CAPN9: variants seen among roughly 807,000 people sequenced by gnomAD.
CAPN9 encodes the protein calpain 9.
Under a neutral mutation model 92.8 loss-of-function variants are expected in CAPN9, and 81 were observed. The ratio of observed to expected loss-of-function variants is 0.87; its 90% CI spans 0.73 to 1.05. CAPN9 has a LOEUF of 1.05. Among genes scored for constraint, CAPN9 ranks in the 50% least tolerant of loss-of-function variants. The probability of loss-of-function intolerance (pLI) is 0.00; values close to 1 mark genes in which losing one functional copy is unlikely to be tolerated. For missense variants in CAPN9, 848 were observed against 866.2 expected, an observed-to-expected ratio of 0.98 and a Z score of 0.26; for synonymous variants, 304 against 328.0, an observed-to-expected ratio of 0.93 and a Z score of 0.79.
intron 2 of CAPN9, among the ~76,000 whole-genome samples, chr1:230,755,874 A>G (rs1445703061): frequency 6.6e-6 from 1 of 151,924 alleles, no homozygotes; most frequent in Admixed American, 6.6e-5. Flanking sequence ...CAGGATTTGA[A>G]CCCAGACACT....
Position 230,747,554 on chromosome 1 carries a change from C to T in CAPN9, c.58C>T (p.Arg20Trp), listed in dbSNP as rs980040631. ...PQAHPVPKDA[R>W]ITHSSGQSFE... ...GGCACACCCGGTTCCCAAGGACGCC[C>T]GGATCACCCACTCCTCAGGCCAGAG... The change falls in exon 1 of 20, where the codon CGG becomes TGG. Residue 20 changes from arginine (R) to tryptophan (W), a missense_variant. By Grantham distance (101) the Arg-to-Trp change is moderately radical. Coordinates refer to ENST00000271971, the MANE Select transcript of CAPN9 (RefSeq NM_006615.3). 2.0e-5 allele frequency: 33 copies of T among 1,614,062 alleles called. No individual in the cohort carries two copies. The East Asian group carries it at 2.2e-4, about 11-fold the overall frequency.
intron 2 of CAPN9, among the ~76,000 whole-genome samples, chr1:230,758,571 A>T (rs1665407724): frequency 6.6e-6 from 1 of 152,088 alleles, no homozygotes; most frequent in South Asian, 2.1e-4. Context: ...AGCTTTCCCG[A>T]TGTTCAGCCC....
chr1:230,749,371 A>G (rs973931863), intron 1 of CAPN9, among the ~76,000 whole-genome samples: 2 of 152,260 alleles, frequency 1.3e-5, no homozygotes, highest in African/African-American at 4.8e-5. Flanking sequence ...GTTACAAGAC[A>G]TAAAAGAGTG....
chr1:230,755,451 C>G (rs754011148), intron 2 of CAPN9, 45 bp downstream of exon 2: 1 of 1,485,762 alleles, frequency 6.7e-7, no homozygotes, highest in African/African-American at 1.4e-5. Flanking sequence ...GGTTGAGTCA[C>G]TGGGACAGGC....
At chr1:230,760,520 C>G (rs906618372) in intron 3 of CAPN9, among the ~76,000 whole-genome samples, 1 of 152,210 alleles carries the variant, frequency 6.6e-6, no homozygotes, top group Non-Finnish European at 1.5e-5. Flanking sequence ...CAGAGGTACT[C>G]TCAAGCCCTG....
rs754745696 is a variant in CAPN9 at position 230,791,924 on chromosome 1, T to A, written c.1718T>A (p.Met573Lys). Residue 573 changes from methionine (M) to lysine (K), a missense_variant, in exon 15 of 20, where the codon ATG (methionine) becomes AAG (lysine). By Grantham distance (95) the Met-to-Lys change is moderately conservative. Coordinates refer to ENST00000271971, the MANE Select transcript of CAPN9 (RefSeq NM_006615.3). ...TCCTGTAAAAACATCATTTCCCTGA[T>A]GGACGTATCCTTCCAAATATTTGAG... ...LISCKNIISL[M>K]DTSGNGKLEF... 5 of 1,609,460 alleles carry A rather than the reference T, an allele frequency of 3.1e-6. No homozygotes were observed. Among genetic ancestry groups the A allele is most frequent in the Middle Eastern group, 1.6e-4 (1 of 6,076 alleles).
At chr1:230,766,776 A>G (rs915760701) in intron 4 of CAPN9, among the ~76,000 whole-genome samples, 46 of 152,216 alleles carry the variant, frequency 3.0e-4, no homozygotes, top group African/African-American at 1.1e-3. Flanking sequence ...GTGGCTGGGA[A>G]GGATTCACAA....
intron 1 of CAPN9, among the ~76,000 whole-genome samples, chr1:230,754,651 A>G (rs1665106065): frequency 6.6e-6 from 1 of 151,750 alleles, no homozygotes; most frequent in African/African-American, 2.4e-5. Flanking sequence ...AAAAAAAAAA[A>G]AAAAAAATTA....
Position 230,767,643 on chromosome 1 carries a change from C to G in CAPN9, c.639C>G (p.Pro213=). Residue 213 remains proline, a synonymous_variant, in exon 5 of 20, where the codon CCC becomes CCG. Transcript: ENST00000271971. ...AGACCTTCCAAACTAAAGAGGCCCC[C>G]GAGAACTTCTATGAGATTCTAGAGA... The part of the protein sequence containing the change: ...VAETFQTKEA[P]ENFYEILEKA... The G allele has an allele frequency of 6.2e-7, 1 of 1,613,918 alleles. No homozygotes were observed. The highest frequency in any genetic ancestry group is 8.5e-7 in the Non-Finnish European group (1 of 1,179,950).
chr1:230,772,606 G>C (rs1666460890), intron 7 of CAPN9, among the ~76,000 whole-genome samples: 1 of 152,178 alleles, frequency 6.6e-6, no homozygotes, highest in Non-Finnish European at 1.5e-5. Flanking sequence ...GCTGAGCATG[G>C]TGGCTCATGC....
chr1:230,754,145 G>A (rs1430029922), intron 1 of CAPN9, among the ~76,000 whole-genome samples: 2 of 152,016 alleles, frequency 1.3e-5, no homozygotes, highest in Non-Finnish European at 2.9e-5. Flanking sequence ...GGGAAGGGGC[G>A]GGGCTTCCGA....
chr1:230,797,571 C>T (rs1168469746), intron 18 of CAPN9, among the ~76,000 whole-genome samples: 2 of 152,152 alleles, frequency 1.3e-5, no homozygotes, highest in South Asian at 2.1e-4. Context: ...ATTAAAGCTA[C>T]CCGAGAGATT....
chr1:230,762,227 A>G (rs752705148), intron 3 of CAPN9, among the ~76,000 whole-genome samples: 2 of 152,204 alleles, frequency 1.3e-5, no homozygotes, highest in Admixed American at 6.5e-5. Flanking sequence ...TTGGAGCTAG[A>G]CCCTGAAACT....
intron 12 of CAPN9, among the ~76,000 whole-genome samples, chr1:230,786,733 G>C (rs1019772384): frequency 1.3e-5 from 2 of 151,560 alleles, no homozygotes; most frequent in African/African-American, 4.9e-5. Context: ...CTGAGAGAAG[G>C]CTGCCGCTTC....
chr1:230,780,691 G>GA lies in CAPN9; in HGVS notation c.1470dup (p.Ala491SerfsTer13). 1.9e-6 allele frequency: 3 copies of GA among 1,613,932 alleles called. No homozygotes were observed. The highest frequency in any genetic ancestry group is 2.5e-6 in the Non-Finnish European group (3 of 1,179,926). On this transcript the variant is annotated frameshift_variant, in exon 11 of 20. Transcript: ENST00000271971. LOFTEE classifies it high-confidence loss of function. ...ATTTCTGTCTGAGAATCTTTTCAGA[G>GA]AAAAAAGCCATTACCCGGTGAGTCA... is the stretch of plus-strand genomic sequence containing the variant.
intron 9 of CAPN9, among the ~76,000 whole-genome samples, chr1:230,779,754 G>C (rs575223492): frequency 6.6e-5 from 10 of 152,268 alleles, no homozygotes; most frequent in Non-Finnish European, 1.3e-4. Flanking sequence ...ATTCATGCTG[G>C]AGCAGTGCTC....
chr1:230,753,336 A>G (rs1664972097), intron 1 of CAPN9, among the ~76,000 whole-genome samples: 1 of 152,148 alleles, frequency 6.6e-6, no homozygotes, highest in Admixed American at 6.5e-5. Flanking sequence ...TCTCCTGGCC[A>G]AGCTTTCTTG....
intron 6 of CAPN9, among the ~76,000 whole-genome samples, chr1:230,769,464 C>G (rs1214674689): frequency 6.6e-6 from 1 of 152,210 alleles, no homozygotes; most frequent in Non-Finnish European, 1.5e-5. Context: ...CAGCACAAAA[C>G]TCGTTTAGCA....
intron 1 of CAPN9, among the ~76,000 whole-genome samples, chr1:230,751,658 A>G: frequency 1.6e-5 from 1 of 63,018 alleles, no homozygotes; most frequent in African/African-American, 8.3e-5. Flanking sequence ...AAAGAAAGAA[A>G]GAAAGAAAGA....
Sources: gnomAD v4.1 joint callset for allele counts (sites outside exome capture counted in the v4.1 genomes callset) on GRCh38, gnomAD v4.1.1 for gene constraint, MANE v1.5 for transcripts, NCBI Gene and HGNC (gene_info 2026-07-23, HGNC 2026-07-21) for gene names.